Variants in GEN1 observed in about 807,000 individuals in gnomAD.
GEN1 encodes flap endonuclease GEN homolog 1.
GEN1 carries 64 observed loss-of-function variants against 67.6 expected under a neutral mutation model. That is an observed-to-expected ratio of 0.95 (90% CI 0.77 to 1.17). The LOEUF (loss-of-function observed/expected upper bound fraction) is 1.17, where lower values mean the gene tolerates loss of function less well. GEN1 is among the 50% of genes most tolerant of loss of function. The pLI, the probability that GEN1 is intolerant of heterozygous loss-of-function variation, is 0.00. For synonymous variants in GEN1, 371 were observed against 359.4 expected, an observed-to-expected ratio of 1.03 and a Z score of -0.37; for missense variants, 1,058 against 1,048.3, an observed-to-expected ratio of 1.01 and a Z score of -0.13.
chr2:17,768,979 C>T (rs1427486507), intron 6 of GEN1, among the ~76,000 whole-genome samples, 168 bp downstream of exon 6: 3 of 151,796 alleles, frequency 2.0e-5, no homozygotes, highest in Non-Finnish European at 4.4e-5. Context: ...TTGAAATTTT[C>T]CAAAGGAAGG....
At chr2:17,762,914 G>A (rs1458583093) in intron 3 of GEN1, among the ~76,000 whole-genome samples, 1 of 152,184 alleles carries the variant, frequency 6.6e-6, no homozygotes, top group African/African-American at 2.4e-5. Flanking sequence ...AACATTGGAT[G>A]TTAGGAGGCT....
At chr2:17,762,266 A>G (rs941683800) in intron 3 of GEN1, among the ~76,000 whole-genome samples, 4 of 148,456 alleles carry the variant, frequency 2.7e-5, no homozygotes, top group African/African-American at 5.0e-5. Flanking sequence ...CAGTGGCGCA[A>G]TCTCGGCTCA....
At chr2:17,760,298 C>T (rs1263188513) in intron 2 of GEN1, among the ~76,000 whole-genome samples, 194 bp downstream of exon 2, 1 of 152,140 alleles carries the variant, frequency 6.6e-6, no homozygotes, top group East Asian at 1.9e-4. Flanking sequence ...CTTTGAGCTC[C>T]AGACTCACAT....
intron 5 of GEN1, 23 bp from the exon 6 acceptor site, chr2:17,768,714 AT>A (rs748054580): frequency 3.4e-5 from 52 of 1,538,436 alleles, no homozygotes; most frequent in Middle Eastern, 1.7e-4. Context: ...CATTGGAATT[AT>A]TTTTTTTCCC....
rs758772874 is a variant in GEN1, at chr2:17,774,382, A to T, written c.1183A>T (p.Asn395Tyr). 2 of 1,603,758 alleles carry T rather than the reference A, an allele frequency of 1.2e-6. No individual in the cohort carries two copies. The highest frequency in any genetic ancestry group is 2.2e-5 in the South Asian group (2 of 89,310). Residue 395 changes from asparagine (N) to tyrosine (Y), a missense_variant, in exon 11 of 14, where the codon AAT becomes TAT. Transcript: ENST00000381254. ...AAGAAAGCTTGGTAGCAGAAACTCT[A>T]ATCAACTACAGCCAATTCGGTAATG... is the stretch of plus-strand genomic sequence containing the variant. The part of the protein sequence containing the change: ...IERKLGSRNS[N>Y]QLQPIRIVKT...
intron 1 of GEN1, among the ~76,000 whole-genome samples, chr2:17,759,637 G>T (rs1671583038): frequency 1.3e-5 from 2 of 150,854 alleles, no homozygotes; most frequent in Non-Finnish European, 1.5e-5. Flanking sequence ...CATTCTCTAA[G>T]TATGTAAATC....
At chr2:17,773,839 TTACAAG>T (rs960358100) in intron 10 of GEN1, among the ~76,000 whole-genome samples, 102 of 152,212 alleles carry the variant, frequency 6.7e-4, no homozygotes, top group African/African-American at 2.2e-3. Flanking sequence ...AACTGGGTAC[TTACAAG>T]TACCAGCTGT....
At chr2:17,754,957 AC>A (rs1390783163) in intron 1 of GEN1, 7 of 152,294 alleles carry the variant, frequency 4.6e-5, no homozygotes. Context: ...CTAACAAGTA[AC>A]CTACTTTTCA....
Position 17,761,409 on chromosome 2 carries a change from C to T in GEN1, c.175C>T (p.Arg59Cys), listed in dbSNP as rs754845861. The change falls in exon 3 of 14, where the codon CGT (arginine) becomes TGT (cysteine). Residue 59 changes from arginine (R) to cysteine (C), a missense_variant. Arg to Cys is a radical substitution (Grantham distance 180). Coordinates refer to ENST00000381254, the MANE Select transcript of GEN1 (RefSeq NM_001130009.3). ...TATATATTTCAGGAACTTATTTTTT[C>T]GTATCTCATATTTAACACAAATGGA... is the stretch of plus-strand genomic sequence containing the variant. ...MKPHLRNLFF[R>C]ISYLTQMDVK... is the part of the protein sequence containing the mutation. 32 of 1,571,028 alleles carry T rather than the reference C, an allele frequency of 2.0e-5. No individual in the cohort carries two copies. The highest frequency in any genetic ancestry group is 2.4e-5 in the Non-Finnish European group (28 of 1,150,076).
intron 6 of GEN1, 93 bp from the exon 7 acceptor site, chr2:17,771,103 G>A: frequency 1.3e-6 from 1 of 778,512 alleles, no homozygotes; most frequent in Non-Finnish European, 2.3e-6. Context: ...AATTAGGTAG[G>A]TGAAAGGGAA....
chr2:17,773,854 G>A (rs1463423537), intron 10 of GEN1, among the ~76,000 whole-genome samples: 2 of 152,080 alleles, frequency 1.3e-5, no homozygotes, highest in African/African-American at 4.8e-5. Context: ...AGTACCAGCT[G>A]TAAGTAATGA....
At position 17,772,616 on chromosome 2, in the gene GEN1, T is replaced by C. The variant is rs553720738; in HGVS notation, c.803-18T>C. 6 of 1,575,584 alleles carry C rather than the reference T, an allele frequency of 3.8e-6. No homozygotes were observed. In the African/African-American group the frequency reaches 4.1e-5, roughly 11 times the overall value. ...TAAAAGGCAAAAAATATTATACTTT[T>C]TTTGGGTCTCCATAAAGGTTCACCT... On this transcript the variant is annotated intron_variant, in intron 7 of 13. Coordinates refer to ENST00000381254, the MANE Select transcript of GEN1 (RefSeq NM_001130009.3).
chr2:17,769,542 C>A lies in GEN1; in HGVS notation c.710+731C>A, dbSNP rs542447742. Among the ~76,000 whole-genome samples, 3 of 152,236 alleles carry A rather than the reference C, an allele frequency of 2.0e-5. No homozygotes were observed. In the East Asian group the frequency reaches 5.8e-4, roughly 29 times the overall value. ...CATTAAAATAATTTTGTATTTAATA[C>A]TTTGATATTGTATTTTCTTTCTATA... On this transcript the variant is annotated intron_variant, in intron 6 of 13. Coordinates refer to ENST00000381254, the MANE Select transcript of GEN1 (RefSeq NM_001130009.3).
chr2:17,778,435 TAC>T (rs370905209), intron 12 of GEN1, among the ~76,000 whole-genome samples: 1,938 of 72,268 alleles, frequency 0.027, 364 homozygotes, highest in African/African-American at 0.047. Context: ...TATATGTATA[TAC>T]ACACACATAT....
At chr2:17,777,877 G>C in intron 11 of GEN1, 125 bp from the exon 12 acceptor site, 1 of 551,178 alleles carries the variant, frequency 1.8e-6, no homozygotes, top group Non-Finnish European at 3.4e-6. Flanking sequence ...CAAAGGAATA[G>C]GCAGTAATTC....
In GEN1 at chr2:17,780,615, T is replaced by C; in HGVS notation, c.1409-6T>C. ...TGTTGATTATATGTATTTTTTTTCT[T>C]TTCAGGTATTAAGCCTAAAGAAAAC... is the stretch of plus-strand genomic sequence containing the variant. On this transcript the variant is annotated splice_region_variant and splice_polypyrimidine_tract_variant and intron_variant, in intron 13 of 13. Transcript: ENST00000381254. 6.6e-7 allele frequency: 1 copy of C among 1,520,144 alleles called. No individual in the cohort carries two copies. The highest frequency in any genetic ancestry group is 8.8e-7 in the Non-Finnish European group (1 of 1,130,128). 94.2% of individuals were successfully genotyped at this position (1,520,144 alleles called of 1,614,324 possible). A position where few individuals can be genotyped will look rare whatever the true frequency, so the allele number is the denominator to read the frequency against.
chr2:17,780,714 A>G lies in GEN1; in HGVS notation c.1502A>G (p.His501Arg). ...TTAAAACCCACATGTGAAATCTTTC[A>G]TAAGCAGAATTCCAAGTTAAATTCG... Reference protein sequence around the residue: ...MTLKPTCEIFHKQNSKLNSGI... With the variant: ...MTLKPTCEIFRKQNSKLNSGI... Residue 501 changes from histidine to arginine, a missense_variant, in exon 14 of 14, where the codon CAT (histidine) becomes CGT (arginine). Transcript: ENST00000381254. 5 of 1,614,024 alleles carry G rather than the reference A, an allele frequency of 3.1e-6. No homozygotes were observed. Among genetic ancestry groups the G allele is most frequent in the Non-Finnish European group, 4.2e-6 (5 of 1,179,918 alleles).
At position 17,778,013 on chromosome 2, in the gene GEN1, C is replaced by T; in HGVS notation, c.1214C>T (p.Thr405Ile). 1 of 1,588,638 alleles carries T rather than the reference C, an allele frequency of 6.3e-7. No homozygotes were observed. The change falls in exon 12 of 14, where the codon ACT becomes ATT. Residue 405 changes from threonine to isoleucine, a missense_variant. Transcript: ENST00000381254. ...AATTTGTTTTTCAGAATTGTTAAGA[C>T]TCGAATCAGAAATGGAGTTCATTGT... Reference protein sequence around the residue: ...NQLQPIRIVKTRIRNGVHCFE... With the variant: ...NQLQPIRIVKIRIRNGVHCFE...
chr2:17,772,965 A>G (rs1572408407), intron 8 of GEN1, 131 bp from the exon 9 acceptor site: 1 of 809,710 alleles, frequency 1.2e-6, no homozygotes, highest in African/African-American at 1.7e-5. Flanking sequence ...TAGTTATTCA[A>G]AGGGAAGCTT....
Sources: allele counts gnomAD v4.1 joint callset (sites outside exome capture counted in the v4.1 genomes callset), GRCh38; gene constraint gnomAD v4.1.1; transcripts MANE v1.5; gene names NCBI Gene and HGNC (gene_info 2026-07-23, HGNC 2026-07-21).